Variants in SYT14 observed in about 807,000 individuals in gnomAD.
SYT14 encodes the protein synaptotagmin-14.
In SYT14, 32 loss-of-function variants were observed where a neutral mutation model predicts 74.2. The observed-to-expected ratio is 0.43, with a 90% CI of 0.33 to 0.58. The LOEUF is 0.58. Ranked by LOEUF, SYT14 falls within the 20% of genes least tolerant of loss-of-function variation. The pLI is 0.05. For missense variants in SYT14, 791 were observed against 981.8 expected (o/e 0.81, Z 2.60); for synonymous variants, 298 against 337.7 (o/e 0.88, Z 1.29).
chr1:210,163,967 T>C (rs2083425257), exon 10 of SYT14: 1 of 452,156 alleles, frequency 2.2e-6, no homozygotes, highest in Non-Finnish European at 4.4e-6. Flanking sequence ...AGTTTTCTAA[T>C]AAAATGATAT....
intron 2 of SYT14, among the ~76,000 whole-genome samples, chr1:209,967,784 G>A (rs2079178317): frequency 6.6e-6 from 1 of 151,920 alleles, no homozygotes; most frequent in Non-Finnish European, 1.5e-5. Flanking sequence ...TGCCTATTGT[G>A]TATCTGCTTT....
chr1:210,122,001 G>A (rs1403009826), intron 7 of SYT14, among the ~76,000 whole-genome samples: 2 of 13,930 alleles, frequency 1.4e-4, no homozygotes, highest in Non-Finnish European at 2.1e-4. Flanking sequence ...TTTTTGAGAC[G>A]GAGTCTCGCT....
At chr1:210,104,107 G>A (rs2082118381) in intron 7 of SYT14, among the ~76,000 whole-genome samples, 1 of 152,190 alleles carries the variant, frequency 6.6e-6, no homozygotes, top group Admixed American at 6.5e-5. Context: ...TGAAGTTGAT[G>A]GTGGAGGTAT....
exon 4 of SYT14, chr1:210,016,873 C>A (rs2080194615): frequency 8.1e-7 from 1 of 1,231,548 alleles, no homozygotes; most frequent in Admixed American, 4.2e-5. Flanking sequence ...TTTTGACAAG[C>A]AATAGGCATA....
intron 5 of SYT14, among the ~76,000 whole-genome samples, chr1:210,072,668 C>T (rs1156886808): frequency 6.6e-6 from 1 of 151,894 alleles, no homozygotes; most frequent in East Asian, 1.9e-4. Flanking sequence ...ATTCTTAGTC[C>T]TACAACATAG....
At chr1:209,971,443 G>C (rs574913456) in intron 2 of SYT14, among the ~76,000 whole-genome samples, 4 of 152,226 alleles carry the variant, frequency 2.6e-5, no homozygotes, top group African/African-American at 9.6e-5. Flanking sequence ...GGTGAGAGTA[G>C]ACATCCTTGT....
chr1:210,106,136 C>T (rs2082154006), intron 7 of SYT14, among the ~76,000 whole-genome samples: 1 of 152,164 alleles, frequency 6.6e-6, no homozygotes, highest in Non-Finnish European at 1.5e-5. Flanking sequence ...GATTTGATTA[C>T]CTGGGAAGCA....
intron 2 of SYT14, among the ~76,000 whole-genome samples, chr1:209,979,009 G>A (rs751276051): frequency 3.9e-5 from 6 of 152,196 alleles, no homozygotes; most frequent in South Asian, 2.1e-4. Context: ...CGAGCCAGGC[G>A]CGGGATATAA....
At chr1:209,941,145 T>G (rs1283990499) in intron 1 of SYT14, among the ~76,000 whole-genome samples, 1 of 152,152 alleles carries the variant, frequency 6.6e-6, no homozygotes. Flanking sequence ...TTGTTTTCAT[T>G]TTCTTCTCTG....
chr1:210,044,269 C>G (rs1257833596), intron 5 of SYT14, among the ~76,000 whole-genome samples: 1 of 152,018 alleles, frequency 6.6e-6, no homozygotes, highest in Non-Finnish European at 1.5e-5. Context: ...CTTTTATTTC[C>G]TTTGTGTTAG....
intron 7 of SYT14, among the ~76,000 whole-genome samples, chr1:210,139,363 C>T (rs1318436625): frequency 1.4e-5 from 2 of 146,712 alleles, no homozygotes; most frequent in African/African-American, 5.0e-5. Context: ...CAGGTGTGAG[C>T]CACCACACCC....
intron 7 of SYT14, among the ~76,000 whole-genome samples, chr1:210,100,792 A>ATT (rs142912736): frequency 2.6e-5 from 4 of 151,682 alleles, no homozygotes; most frequent in Non-Finnish European, 5.9e-5. Context: ...AGAATTTATT[A>ATT]TTTTTTTTCC....
intron 7 of SYT14, among the ~76,000 whole-genome samples, chr1:210,131,158 G>A (rs573526364): frequency 1.1e-4 from 17 of 152,304 alleles, no homozygotes; most frequent in African/African-American, 4.1e-4. Flanking sequence ...TAAACAGTCA[G>A]TAAATAATAG....
chr1:210,075,765 A>T (rs1312567676), intron 5 of SYT14, among the ~76,000 whole-genome samples: 1 of 152,128 alleles, frequency 6.6e-6, no homozygotes, highest in Admixed American at 6.5e-5. Flanking sequence ...CTGCGGGGGT[A>T]GAGCCCTTAC....
intron 5 of SYT14, among the ~76,000 whole-genome samples, chr1:210,075,874 A>G (rs972905852): frequency 6.6e-6 from 1 of 152,126 alleles, no homozygotes; most frequent in Non-Finnish European, 1.5e-5. Context: ...TATCTTTGCT[A>G]TTAATAGGGA....
At chr1:210,060,764 G>A (rs537770276) in intron 5 of SYT14, among the ~76,000 whole-genome samples, 4 of 152,104 alleles carry the variant, frequency 2.6e-5, no homozygotes, top group African/African-American at 9.6e-5. Flanking sequence ...TCCATTTGCT[G>A]TTGCTGTTAT....
rs979791774 is a variant in SYT14, at chr1:210,047,191, T to C, written c.1312+25937T>C. ...TCATTAGATTTATTATTAGAAATTTTTATGAAAAGGATAAAGGTGGCCTTA... is the reference window on the plus strand; with the variant it reads ...TCATTAGATTTATTATTAGAAATTTCTATGAAAAGGATAAAGGTGGCCTTA... On this transcript the variant is annotated intron_variant, in intron 5 of 9. Coordinates refer to ENST00000637265, the Ensembl canonical transcript of SYT14. Among the ~76,000 whole-genome samples, 23 of 152,170 alleles carry C rather than the reference T, an allele frequency of 1.5e-4. 1 individual carries two copies. The highest frequency in any genetic ancestry group is 2.2e-4 in the Non-Finnish European group (15 of 68,034).
At chr1:210,072,961 T>G (rs1244411217) in intron 5 of SYT14, among the ~76,000 whole-genome samples, 2 of 151,418 alleles carry the variant, frequency 1.3e-5, no homozygotes, top group East Asian at 3.9e-4. Flanking sequence ...GATTAATAAC[T>G]CTTTTAAGAC....
intron 1 of SYT14, among the ~76,000 whole-genome samples, chr1:209,948,187 T>C (rs948990545): frequency 1.3e-5 from 2 of 152,226 alleles, no homozygotes; most frequent in Non-Finnish European, 2.9e-5. Flanking sequence ...TGTACCTGGA[T>C]GTATTTCGAT....
Sources: allele counts gnomAD v4.1 joint callset (sites outside exome capture counted in the v4.1 genomes callset), GRCh38; gene constraint gnomAD v4.1.1; transcripts MANE v1.5; gene names NCBI Gene and HGNC (gene_info 2026-07-23, HGNC 2026-07-21).